GPC5: variants seen among roughly 807,000 people sequenced by gnomAD.
GPC5 encodes the protein glypican-5.
In GPC5, 47 loss-of-function variants were observed where a neutral mutation model predicts 53.9. That is an observed-to-expected ratio of 0.87 (90% confidence interval 0.69 to 1.11). The LOEUF (loss-of-function observed/expected upper bound fraction) is 1.11, where lower values mean the gene tolerates loss of function less well. GPC5 is among the 50% of genes most tolerant of loss of function. The pLI is 0.00. For synonymous variants in GPC5, 286 were observed against 263.3 expected (o/e 1.09, Z -0.84); for missense variants, 748 against 713.1 (o/e 1.05, Z -0.56).
intron 2 of GPC5, among the ~76,000 whole-genome samples, chr13:91,639,085 T>C (rs546441341): frequency 1.3e-5 from 2 of 152,350 alleles, no homozygotes; most frequent in Admixed American, 1.3e-4. Flanking sequence ...GTGGGTAATA[T>C]GTTAAATTTA....
chr13:91,942,880 TTAAC>T (rs1396234878), intron 6 of GPC5, among the ~76,000 whole-genome samples: 1 of 152,110 alleles, frequency 6.6e-6, no homozygotes, highest in Non-Finnish European at 1.5e-5. Context: ...GAAAAATACA[TTAAC>T]CATCCATATA....
At chr13:91,823,888 G>C (rs2038534548) in intron 5 of GPC5, among the ~76,000 whole-genome samples, 1 of 151,950 alleles carries the variant, frequency 6.6e-6, no homozygotes, top group African/African-American at 2.4e-5. Flanking sequence ...TGTAATACCT[G>C]ACATTTATAA....
chr13:92,349,948 C>T (rs989996796), intron 7 of GPC5, among the ~76,000 whole-genome samples: 1 of 152,088 alleles, frequency 6.6e-6, no homozygotes, highest in African/African-American at 2.4e-5. Context: ...AAACTACAGG[C>T]CAATATCCTT....
At chr13:92,581,888 G>A (rs1276353348) in intron 7 of GPC5, among the ~76,000 whole-genome samples, 1 of 151,890 alleles carries the variant, frequency 6.6e-6, no homozygotes, top group Non-Finnish European at 1.5e-5. Flanking sequence ...CATATCTTTT[G>A]CCTAATTTTT....
intron 7 of GPC5, among the ~76,000 whole-genome samples, chr13:92,413,254 G>T (rs1457037776): frequency 6.6e-6 from 1 of 152,162 alleles, no homozygotes; most frequent in Non-Finnish European, 1.5e-5. Flanking sequence ...TATACTGAGT[G>T]TTGTTGGTTT....
At chr13:92,743,680 G>A (rs1889166290) in intron 7 of GPC5, among the ~76,000 whole-genome samples, 1 of 152,086 alleles carries the variant, frequency 6.6e-6, no homozygotes, top group Non-Finnish European at 1.5e-5. Flanking sequence ...CAAAGAGAAT[G>A]CTTCCAGTTT....
chr13:91,673,905 G>A (rs1353050740), intron 2 of GPC5, among the ~76,000 whole-genome samples: 1 of 152,006 alleles, frequency 6.6e-6, no homozygotes, highest in East Asian at 1.9e-4. Flanking sequence ...CATTGTAAAA[G>A]CATTCGTTTG....
chr13:92,617,917 T>C (rs1884748815), intron 7 of GPC5, among the ~76,000 whole-genome samples: 1 of 152,202 alleles, frequency 6.6e-6, no homozygotes, highest in African/African-American at 2.4e-5. Context: ...ACATGTGCCA[T>C]GTTGGTGTGC....
intron 7 of GPC5, among the ~76,000 whole-genome samples, chr13:92,437,480 A>G (rs1174447550): frequency 3.9e-5 from 6 of 152,298 alleles, no homozygotes; most frequent in Non-Finnish European, 7.4e-5. Flanking sequence ...TATACACATT[A>G]TACCTTAAGA....
chr13:92,304,608 T>C (rs1053338497), intron 7 of GPC5, among the ~76,000 whole-genome samples: 1 of 152,170 alleles, frequency 6.6e-6, no homozygotes, highest in Non-Finnish European at 1.5e-5. Flanking sequence ...ATTGTGAAGA[T>C]AATGAGCCCC....
chr13:92,485,093 C>T (rs973105848), intron 7 of GPC5, among the ~76,000 whole-genome samples: 1 of 151,986 alleles, frequency 6.6e-6, no homozygotes, highest in Admixed American at 6.6e-5. Flanking sequence ...GTGAAACAAT[C>T]CATATTTAAA....
At chr13:92,195,790 C>T (rs1196893336) in intron 7 of GPC5, among the ~76,000 whole-genome samples, 1 of 152,076 alleles carries the variant, frequency 6.6e-6, no homozygotes, top group Non-Finnish European at 1.5e-5. Context: ...TCATTATAGC[C>T]TTTAATTACT....
chr13:92,412,585 T>G (rs1876094664), intron 7 of GPC5, among the ~76,000 whole-genome samples: 1 of 152,220 alleles, frequency 6.6e-6, no homozygotes, highest in Admixed American at 6.5e-5. Flanking sequence ...CCTGTCTCCA[T>G]AAATTTTTAT....
In GPC5 at chr13:91,941,744, G is replaced by A. The variant is rs138514062; in HGVS notation, c.1401+33687G>A. ...ATGTTTCCTCAATCACTTCTGCAAA[G>A]TAAATAAATAAATTTCAGTGGTAAA... On this transcript the variant is annotated intron_variant, in intron 6 of 7. Transcript: ENST00000377067. Among the ~76,000 whole-genome samples the A allele has an allele frequency of 4.8e-3, 733 of 152,210 alleles. 7 individuals are homozygous for A. The highest frequency in any genetic ancestry group is 0.017 in the African/African-American group (694 of 41,546).
At chr13:91,907,349 C>T (rs901847787) in intron 5 of GPC5, among the ~76,000 whole-genome samples, 4 of 147,020 alleles carry the variant, frequency 2.7e-5, no homozygotes, top group African/African-American at 9.9e-5. Flanking sequence ...AGTTTAATCA[C>T]TTATTACTTG....
intron 7 of GPC5, among the ~76,000 whole-genome samples, chr13:92,595,072 A>T (rs1328688789): frequency 6.6e-6 from 1 of 152,146 alleles, no homozygotes; most frequent in South Asian, 2.1e-4. Context: ...TTTCCAAATC[A>T]TTACCTAGAT....
intron 7 of GPC5, among the ~76,000 whole-genome samples, chr13:92,179,992 C>T (rs963086049): frequency 5.3e-5 from 8 of 152,186 alleles, no homozygotes; most frequent in African/African-American, 1.7e-4. Context: ...CTATGGACTT[C>T]GGTTTGAGTC....
intron 7 of GPC5, among the ~76,000 whole-genome samples, chr13:92,470,317 A>T (rs1355933473): frequency 6.6e-6 from 1 of 152,170 alleles, no homozygotes; most frequent in Non-Finnish European, 1.5e-5. Context: ...CAAGAAATTC[A>T]AACTTGTATT....
chr13:92,071,328 C>T (rs1232324625), intron 6 of GPC5, among the ~76,000 whole-genome samples: 3 of 152,100 alleles, frequency 2.0e-5, no homozygotes, highest in Non-Finnish European at 4.4e-5. Context: ...GTTAGCTGGA[C>T]AATCATATAG....
Sources: gnomAD v4.1 joint callset for allele counts (sites outside exome capture counted in the v4.1 genomes callset) on GRCh38, gnomAD v4.1.1 for gene constraint, MANE v1.5 for transcripts, NCBI Gene and HGNC (gene_info 2026-07-23, HGNC 2026-07-21) for gene names.